Variants in FAT3 observed in about 807,000 individuals in gnomAD.
The protein encoded by FAT3 is protocadherin Fat 3.
FAT3 carries 95 observed loss-of-function variants against 310.2 expected under a neutral mutation model. The observed-to-expected ratio is 0.31, with a 90% CI of 0.26 to 0.36. The LOEUF is 0.36. Ranked by LOEUF, FAT3 falls within the 10% of genes least tolerant of loss-of-function variation. FAT3 has a pLI of 1.00. For synonymous variants in FAT3, 2,314 were observed against 2,192.9 expected (o/e 1.06, Z -1.54); for missense variants, 5,408 against 5,715.6 (o/e 0.95, Z 1.74).
At position 92,895,256 on chromosome 11, in the gene FAT3, G is replaced by GT. The variant is rs1950006188; in HGVS notation, c.*4148dup. ...GTGCTCTGTGAGAAGGTGGTTATAT[G>GT]TTTTTGCTGGTTTGTGTCCCACAGT... On this transcript the variant is annotated 3_prime_UTR_variant, in exon 28 of 28. Transcript: ENST00000525166. The GT allele has an allele frequency of 6.6e-6, 1 of 152,202 alleles. No homozygotes were observed. The highest frequency in any genetic ancestry group is 6.5e-5 in the Admixed American group (1 of 15,288). 9.4% of individuals were successfully genotyped at this position (152,202 alleles called of 1,614,324 possible).
intron 4 of FAT3, among the ~76,000 whole-genome samples, chr11:92,730,409 G>A (rs1280008578): frequency 6.6e-6 from 1 of 152,122 alleles, no homozygotes; most frequent in African/African-American, 2.4e-5. Flanking sequence ...TTAGTTTTAT[G>A]TACATTATCA....
rs143030206 is a variant in FAT3, at chr11:92,341,470, G to A, written c.-17-10626G>A. ...AATAAATAACCTTAATGGGGAATACGGGAGAGCCGAAGGAACAAGATTTGC... is the reference window on the plus strand; with the variant it reads ...AATAAATAACCTTAATGGGGAATACAGGAGAGCCGAAGGAACAAGATTTGC... On this transcript the variant is annotated intron_variant, in intron 1 of 27. Coordinates refer to ENST00000525166, the MANE Select transcript of FAT3 (RefSeq NM_001367949.2). 9.7e-4 allele frequency among the ~76,000 whole-genome samples: 147 copies of A among 152,302 alleles called. 3 individuals are homozygous for A. The highest frequency in any genetic ancestry group is 6.7e-3 in the Admixed American group (102 of 15,306).
rs189626376 is a variant in FAT3 at position 92,882,640 on chromosome 11, C to T, written c.12282-98C>T. ...CTTCATCTGTACCCTTTAGGTGCAT[C>T]GTTTTCTTTTAAAGATGTCTGTGTT... On this transcript the variant is annotated intron_variant, in intron 23 of 27. Transcript: ENST00000525166. 6 of 929,610 alleles carry T rather than the reference C, an allele frequency of 6.5e-6. No individual in the cohort carries two copies. The South Asian group carries it at 8.7e-5, about 13-fold the overall frequency. 57.6% of individuals were successfully genotyped at this position (929,610 alleles called of 1,614,324 possible).
chr11:92,256,922 A>G (rs374247989), intron 1 of FAT3, among the ~76,000 whole-genome samples: 4 of 152,124 alleles, frequency 2.6e-5, no homozygotes. Context: ...AAATCGTATA[A>G]TCTCAGCTGT....
intron 3 of FAT3, among the ~76,000 whole-genome samples, chr11:92,653,157 T>TA (rs1335168105): frequency 6.6e-6 from 1 of 152,054 alleles, no homozygotes; most frequent in East Asian, 1.9e-4. Context: ...AAACTCTGTC[T>TA]AAAAAATAAA....
At chr11:92,729,025 T>G (rs187411583) in intron 4 of FAT3, among the ~76,000 whole-genome samples, 89 of 152,346 alleles carry the variant, frequency 5.8e-4, no homozygotes, top group Admixed American at 3.3e-3. Context: ...TTCAACTCAC[T>G]ACACAGGGGT....
chr11:92,461,439 C>T (rs1200209142), intron 2 of FAT3, among the ~76,000 whole-genome samples: 1 of 152,032 alleles, frequency 6.6e-6, no homozygotes, highest in African/African-American at 2.4e-5. Flanking sequence ...TTAGAGTTAA[C>T]ACATTTATAA....
chr11:92,802,219 A>G (rs576743006), intron 10 of FAT3, among the ~76,000 whole-genome samples: 1 of 151,310 alleles, frequency 6.6e-6, no homozygotes, highest in Non-Finnish European at 1.5e-5. Context: ...GAATGAAAAT[A>G]ACAACTTTTT....
At chr11:92,357,894 C>T (rs1480342685) in intron 2 of FAT3, among the ~76,000 whole-genome samples, 1 of 151,368 alleles carries the variant, frequency 6.6e-6, no homozygotes, top group Non-Finnish European at 1.5e-5. Context: ...ATTGGTCAGT[C>T]ATGGTAGCCT....
At chr11:92,768,513 C>T (rs537857455) in intron 6 of FAT3, among the ~76,000 whole-genome samples, 1 of 152,360 alleles carries the variant, frequency 6.6e-6, no homozygotes, top group Admixed American at 6.5e-5. Flanking sequence ...CTGACAACAT[C>T]TTTCCCCTTC....
In FAT3 at chr11:92,402,944, TG is replaced by T. The variant is rs546589671; in HGVS notation, c.3292+47545del. Among the ~76,000 whole-genome samples the T allele has an allele frequency of 7.3e-4, 111 of 151,358 alleles. 1 individual carries two copies. Among genetic ancestry groups the T allele is most frequent in the African/African-American group, 2.5e-3 (103 of 41,262 alleles). On this transcript the variant is annotated intron_variant, in intron 2 of 27. Transcript: ENST00000525166. ...AAAGAGAAAAAACCTTAAAGGAAGGTGGGGGCAAGGGACATAAAGAAGTGGA... is the reference window on the plus strand; with the variant it reads ...AAAGAGAAAAAACCTTAAAGGAAGGTGGGGCAAGGGACATAAAGAAGTGGA...
At chr11:92,552,100 C>A (rs1954841022) in intron 3 of FAT3, among the ~76,000 whole-genome samples, 1 of 152,126 alleles carries the variant, frequency 6.6e-6, no homozygotes, top group South Asian at 2.1e-4. Flanking sequence ...TTTTAATATT[C>A]AGCATCTAAA....
In FAT3 at chr11:92,831,746, C is replaced by T. The variant is rs150882427; in HGVS notation, c.9606C>T (p.Asn3202=). The change falls in exon 14 of 28, where the codon AAC becomes AAT. Residue 3202 remains asparagine (N), a synonymous_variant. Coordinates refer to ENST00000525166, the MANE Select transcript of FAT3 (RefSeq NM_001367949.2). Reference sequence around the variant, plus strand: ...ACCGTGAGCAGCAGTCTTCGTACAACATCAGCGTGCGGGCCACTGACCAGA... The same window carrying T: ...ACCGTGAGCAGCAGTCTTCGTACAATATCAGCGTGCGGGCCACTGACCAGA... ...PLDREQQSSY[N]ISVRATDQSP... The T allele has an allele frequency of 8.5e-5, 137 of 1,613,584 alleles. 1 individual carries two copies. The African/African-American group carries it at 1.6e-3, about 19-fold the overall frequency.
intron 1 of FAT3, among the ~76,000 whole-genome samples, chr11:92,344,555 T>G (rs1014186223): frequency 3.3e-5 from 5 of 152,114 alleles, no homozygotes; most frequent in African/African-American, 1.2e-4. Context: ...TTCCTTTAAG[T>G]GAAAAGGTGT....
At chr11:92,306,750 TATAA>T (rs1263981612) in intron 1 of FAT3, among the ~76,000 whole-genome samples, 6 of 128,052 alleles carry the variant, frequency 4.7e-5, no homozygotes, top group Non-Finnish European at 9.4e-5. Flanking sequence ...TATAAATATA[TATAA>T]ATATATATAT....
At chr11:92,225,489 C>A (rs1408830186) in intron 1 of FAT3, among the ~76,000 whole-genome samples, 1 of 152,046 alleles carries the variant, frequency 6.6e-6, no homozygotes, top group Non-Finnish European at 1.5e-5. Flanking sequence ...AGGGGGGTTG[C>A]GGATCAGTGC....
At chr11:92,606,794 A>G (rs1401743072) in intron 3 of FAT3, among the ~76,000 whole-genome samples, 1 of 152,156 alleles carries the variant, frequency 6.6e-6, no homozygotes, top group African/African-American at 2.4e-5. Flanking sequence ...TCAAAATCAC[A>G]AGCCTGTTTC....
intron 2 of FAT3, among the ~76,000 whole-genome samples, chr11:92,423,391 A>G (rs572753449): frequency 6.6e-6 from 1 of 152,306 alleles, no homozygotes; most frequent in South Asian, 2.1e-4. Flanking sequence ...TGAGTCATGA[A>G]GAAGTTTGAA....
chr11:92,548,324 C>T (rs1954685388), intron 3 of FAT3, among the ~76,000 whole-genome samples: 1 of 152,158 alleles, frequency 6.6e-6, no homozygotes, highest in Non-Finnish European at 1.5e-5. Context: ...AACAGTGGGT[C>T]ATCCTGACAG....
Sources: allele counts gnomAD v4.1 joint callset (sites outside exome capture counted in the v4.1 genomes callset), GRCh38; gene constraint gnomAD v4.1.1; transcripts MANE v1.5; gene names NCBI Gene and HGNC (gene_info 2026-07-23, HGNC 2026-07-21).